XRCC6: variants seen among roughly 807,000 people sequenced by gnomAD.
The protein encoded by XRCC6 is X-ray repair cross complementing 6.
A neutral mutation model predicts 65.7 loss-of-function variants in XRCC6; 5 were observed. That is an observed-to-expected ratio of 0.08 (90% CI 0.04 to 0.16). The LOEUF (loss-of-function observed/expected upper bound fraction) is 0.16, where lower values mean the gene tolerates loss of function less well. Ranked by LOEUF, XRCC6 falls within the 10% of genes least tolerant of loss-of-function variation. The pLI, the probability that XRCC6 is intolerant of heterozygous loss-of-function variation, is 1.00. For synonymous variants in XRCC6, 270 were observed against 270.6 expected (o/e 1.00, Z 0.02); for missense variants, 447 against 738.1 (o/e 0.61, Z 4.57).
intron 2 of XRCC6, among the ~76,000 whole-genome samples, chr22:41,626,027 A>G (rs771050744): frequency 2.6e-5 from 4 of 151,248 alleles, no homozygotes; most frequent in Non-Finnish European, 5.9e-5. Flanking sequence ...TTTAGTAGAG[A>G]TGGCGTTTCA....
rs1052179329 is a variant in XRCC6, at chr22:41,659,549, A to AGGCTGGT, written c.1522+1199_1522+1205dup. ...GTGATTGGGTTTCACCATGTTGGCC[A>AGGCTGGT]GGCTGGTGTCAAATTCCTGACCTCA... is the stretch of plus-strand genomic sequence containing the variant. On this transcript the variant is annotated intron_variant, in intron 11 of 12. Coordinates refer to ENST00000360079, the MANE Select transcript of XRCC6 (RefSeq NM_001469.5). Among the ~76,000 whole-genome samples, 50 of 152,074 alleles carry AGGCTGGT rather than the reference A, an allele frequency of 3.3e-4. 1 individual carries two copies. Among genetic ancestry groups the AGGCTGGT allele is most frequent in the African/African-American group, 1.2e-3 (50 of 41,480 alleles).
intron 6 of XRCC6, among the ~76,000 whole-genome samples, chr22:41,644,524 G>A (rs1026803997): frequency 5.9e-5 from 9 of 151,942 alleles, no homozygotes; most frequent in Non-Finnish European, 1.2e-4. Context: ...TTGGTCTGTC[G>A]TCCCAGGCTG....
rs139850731 is a variant in XRCC6, at chr22:41,658,273, C to T, written c.1443C>T (p.Pro481=). ...ACAGAAGTGACAGCTTTGAGAACCC[C>T]GTGCTGCAGCAGCACTTCAGGAACC... The part of the protein sequence containing the change: ...FTYRSDSFEN[P]VLQQHFRNLE... Residue 481 remains proline (P), a synonymous_variant, in exon 11 of 13, where the codon CCC becomes CCT. Coordinates refer to ENST00000360079, the MANE Select transcript of XRCC6 (RefSeq NM_001469.5). 39 of 1,613,538 alleles carry T rather than the reference C, an allele frequency of 2.4e-5. No homozygotes were observed. Among genetic ancestry groups the T allele is most frequent in the East Asian group, 1.1e-4 (5 of 44,888 alleles).
chr22:41,638,852 G>T (rs918916836), intron 6 of XRCC6, among the ~76,000 whole-genome samples: 1 of 151,788 alleles, frequency 6.6e-6, no homozygotes, highest in Non-Finnish European at 1.5e-5. Flanking sequence ...TACCACGAAT[G>T]GAACTTACAA....
At chr22:41,659,877 G>A (rs1376373241) in intron 11 of XRCC6, among the ~76,000 whole-genome samples, 1 of 151,324 alleles carries the variant, frequency 6.6e-6, no homozygotes, top group African/African-American at 2.4e-5. Flanking sequence ...GTAGAGATGG[G>A]GGTTCACCAT....
At chr22:41,641,290 A>G (rs1178651727) in intron 6 of XRCC6, among the ~76,000 whole-genome samples, 1 of 125,490 alleles carries the variant, frequency 8.0e-6, no homozygotes, top group Non-Finnish European at 1.8e-5. Context: ...TAAGGCCTAG[A>G]AAAATATTAA....
chr22:41,624,942 A>G (rs896931477), intron 2 of XRCC6, among the ~76,000 whole-genome samples: 1 of 151,832 alleles, frequency 6.6e-6, no homozygotes, highest in Non-Finnish European at 1.5e-5. Context: ...GCTTGTAGTG[A>G]GCCGAGATTG....
chr22:41,638,792 A>AG (rs1264496731), intron 6 of XRCC6, among the ~76,000 whole-genome samples: 1 of 151,808 alleles, frequency 6.6e-6, no homozygotes, highest in African/African-American at 2.4e-5. Context: ...AAAAAAAAAA[A>AG]AAAAAAGAAA....
chr22:41,632,236 G>A (rs1172231565), intron 3 of XRCC6, among the ~76,000 whole-genome samples: 1 of 152,216 alleles, frequency 6.6e-6, no homozygotes, highest in East Asian at 1.9e-4. Flanking sequence ...AATTTTCACA[G>A]ATTTATTATA....
At chr22:41,656,534 G>GA (rs942989678) in intron 9 of XRCC6, among the ~76,000 whole-genome samples, 5 of 151,618 alleles carry the variant, frequency 3.3e-5, no homozygotes, top group Admixed American at 1.3e-4. Context: ...AAAAAAGATG[G>GA]AAAAAAACAT....
chr22:41,649,661 C>T (rs868076255), intron 7 of XRCC6, among the ~76,000 whole-genome samples: 23 of 151,312 alleles, frequency 1.5e-4, no homozygotes, highest in African/African-American at 3.6e-4. Flanking sequence ...GAGACCATCC[C>T]GGCTAACACA....
At chr22:41,634,186 ATTTTTTTTT>A (rs757276375) in intron 3 of XRCC6, among the ~76,000 whole-genome samples, 1 of 140,440 alleles carries the variant, frequency 7.1e-6, no homozygotes, top group Non-Finnish European at 1.6e-5. Context: ...CCAAAACTTA[ATTTTTTTTT>A]TTTTTTTTGA....
intron 3 of XRCC6, among the ~76,000 whole-genome samples, chr22:41,632,216 C>T (rs1189328531): frequency 3.9e-5 from 6 of 152,078 alleles, no homozygotes; most frequent in African/African-American, 1.2e-4. Flanking sequence ...TTGTGTACTT[C>T]GTAGAGAAGA....
chr22:41,646,216 T>A (rs1274421330), intron 6 of XRCC6, among the ~76,000 whole-genome samples: 1 of 151,580 alleles, frequency 6.6e-6, no homozygotes, highest in East Asian at 1.9e-4. Flanking sequence ...GGCAGGAGAA[T>A]CGCTTGAACC....
Position 41,637,635 on chromosome 22 carries a change from A to G in XRCC6, c.617A>G (p.Lys206Arg), listed in dbSNP as rs1250210587. 1 of 1,608,526 alleles carries G rather than the reference A, an allele frequency of 6.2e-7. No individual in the cohort carries two copies. The highest frequency in any genetic ancestry group is 1.3e-5 in the African/African-American group (1 of 74,836). Residue 206 changes from lysine (K) to arginine (R), a missense_variant, in exon 6 of 13, where the codon AAG becomes AGG. Lys to Arg is a conservative substitution (Grantham distance 26). This residue lies in a region of XRCC6 where 228 missense variants were observed against 307.4 expected (regional missense o/e 0.74). Coordinates refer to ENST00000360079, the MANE Select transcript of XRCC6 (RefSeq NM_001469.5). ...TGIFLDLMHL[K>R]KPGGFDISLF... ...ATCTTCCTTGACTTGATGCACCTGAAGAAACCTGGGGGCTTTGACATATCC... is the reference window on the plus strand; with the variant it reads ...ATCTTCCTTGACTTGATGCACCTGAGGAAACCTGGGGGCTTTGACATATCC...
intron 7 of XRCC6, 82 bp from the exon 8 acceptor site, chr22:41,650,641 A>G: frequency 6.9e-7 from 1 of 1,459,110 alleles, no homozygotes; most frequent in Non-Finnish European, 9.4e-7. Context: ...GCTGATTTTA[A>G]CTTGCTAGTG....
intron 9 of XRCC6, 38 bp downstream of exon 9, chr22:41,653,728 G>A: frequency 6.2e-7 from 1 of 1,601,046 alleles, no homozygotes; most frequent in East Asian, 2.2e-5. Flanking sequence ...TCTGAACCTT[G>A]CCCATACTTT....
intron 2 of XRCC6, among the ~76,000 whole-genome samples, chr22:41,624,161 G>T (rs992016836): frequency 2.6e-5 from 4 of 152,052 alleles, no homozygotes; most frequent in African/African-American, 9.7e-5. Context: ...GAGGCGGGCA[G>T]ATCACTTGAG....
chr22:41,631,228 C>T (rs887260144), intron 3 of XRCC6, among the ~76,000 whole-genome samples: 14 of 151,198 alleles, frequency 9.3e-5, no homozygotes, highest in African/African-American at 3.2e-4. Context: ...GGCAGAGGCG[C>T]CCCTCACCTC....
Sources: gnomAD v4.1 joint callset for allele counts (sites outside exome capture counted in the v4.1 genomes callset) on GRCh38, gnomAD v4.1.1 for gene constraint, gnomAD v4.1.1 regional missense constraint, MANE v1.5 for transcripts, NCBI Gene and HGNC (gene_info 2026-07-23, HGNC 2026-07-21) for gene names.